PDCL2: variants seen among roughly 807,000 people sequenced by gnomAD.
PDCL2 encodes phosducin like 2.
PDCL2 carries 23 observed loss-of-function variants against 30.3 expected under a neutral mutation model. The observed-to-expected ratio is 0.76, with a 90% confidence interval of 0.55 to 1.08. The LOEUF is 1.08. Ranked by LOEUF, PDCL2 falls within the 50% of genes least tolerant of loss-of-function variation. The pLI, the probability that PDCL2 is intolerant of heterozygous loss-of-function variation, is 0.00. For missense variants in PDCL2, 243 were observed against 282.3 expected (o/e 0.86, Z 1.00); for synonymous variants, 68 against 86.2 (o/e 0.79, Z 1.17).
rs528304052 is a variant in PDCL2, at chr4:55,573,419, C to T, written c.219-3558G>A. ...ATCTTTTTTTAAAAGAAATCTTGTCCGAAGGTACTGGCTAGGACCTATTGT... is the reference window on the plus strand; with the variant it reads ...ATCTTTTTTTAAAAGAAATCTTGTCTGAAGGTACTGGCTAGGACCTATTGT... On this transcript the variant is annotated intron_variant, in intron 3 of 5. Transcript: ENST00000295645. 2.6e-5 allele frequency among the ~76,000 whole-genome samples: 4 copies of T among 152,026 alleles called. No homozygotes were observed. The South Asian group carries it at 6.3e-4, about 24-fold the overall frequency.
chr4:55,586,672 A>G (rs1328256207), intron 1 of PDCL2, among the ~76,000 whole-genome samples: 2 of 152,168 alleles, frequency 1.3e-5, no homozygotes. Flanking sequence ...CTTACTTTCA[A>G]TTCTTTTGGG....
chr4:55,556,714 G>A lies in PDCL2; in HGVS notation c.572-3C>T, dbSNP rs769897236. The stretch of plus-strand genomic sequence containing the variant: ...TTCTGCTAGCTTCCATTCAAGTTCT[G>A]TAATAAATAACCCATCATTCAGTTA... On this transcript the variant is annotated splice_polypyrimidine_tract_variant and splice_region_variant and intron_variant, in intron 5 of 5. Coordinates refer to ENST00000295645, the MANE Select transcript of PDCL2 (RefSeq NM_152401.3). 2 of 1,534,700 alleles carry A rather than the reference G, an allele frequency of 1.3e-6. No individual in the cohort carries two copies. Among genetic ancestry groups the A allele is most frequent in the Non-Finnish European group, 1.8e-6 (2 of 1,141,062 alleles).
chr4:55,569,312 T>C (rs1278581429), intron 4 of PDCL2, among the ~76,000 whole-genome samples: 1 of 152,184 alleles, frequency 6.6e-6, no homozygotes, highest in African/African-American at 2.4e-5. Flanking sequence ...TTCAGTTCAC[T>C]TTCTACAAAT....
At chr4:55,577,346 C>T (rs1012411625) in intron 3 of PDCL2, among the ~76,000 whole-genome samples, 3 of 152,204 alleles carry the variant, frequency 2.0e-5, no homozygotes, top group African/African-American at 7.2e-5. Context: ...CACAAACATT[C>T]AGACCACAGC....
Position 55,573,882 on chromosome 4 carries a change from TTTTGTTTGTTTTTTG to T in PDCL2, c.219-4036_219-4022del, listed in dbSNP as rs927117879. On this transcript the variant is annotated intron_variant, in intron 3 of 5. Transcript: ENST00000295645. ...TCCATTACTTTAGCTTATCACTAGTTTTTGTTTGTTTTTTGTTTGTTTTTTTTTTTGAGACAGAGT... is the reference window on the plus strand; with the variant it reads ...TCCATTACTTTAGCTTATCACTAGTTTTTGTTTTTTTTTTTGAGACAGAGT... Among the ~76,000 whole-genome samples, 8 of 10,970 alleles carry T rather than the reference TTTTGTTTGTTTTTTG, an allele frequency of 7.3e-4. No homozygotes were observed. The South Asian group carries it at 9.0e-3, about 12-fold the overall frequency. The allele number at this position is 10,970 out of a possible 152,430, so 7.2% of individuals were successfully genotyped here. A position where few individuals can be genotyped will look rare whatever the true frequency, so the allele number is the denominator to read the frequency against.
intron 5 of PDCL2, among the ~76,000 whole-genome samples, chr4:55,558,359 G>C (rs905152766): frequency 6.6e-6 from 1 of 152,088 alleles, no homozygotes; most frequent in African/African-American, 2.4e-5. Context: ...GTTCTCATAA[G>C]ATCTGATGGT....
At chr4:55,577,382 G>C (rs984656294) in intron 3 of PDCL2, among the ~76,000 whole-genome samples, 2 of 152,152 alleles carry the variant, frequency 1.3e-5, no homozygotes, top group African/African-American at 4.8e-5. Context: ...TTTTTATGGA[G>C]GTTTCATTAG....
At position 55,589,140 on chromosome 4, in the gene PDCL2, T is replaced by C. The variant is rs559633600; in HGVS notation, c.6+2964A>G. Among the ~76,000 whole-genome samples, 7 of 152,326 alleles carry C rather than the reference T, an allele frequency of 4.6e-5. No homozygotes were observed. The East Asian group carries it at 1.3e-3, about 29-fold the overall frequency. ...TCCCAAAGTGCTGGTATTACAGGCA[T>C]GAGCCACCGCGCCCAGCCAGTACGG... On this transcript the variant is annotated intron_variant, in intron 1 of 5. Coordinates refer to ENST00000295645, the MANE Select transcript of PDCL2 (RefSeq NM_152401.3).
intron 1 of PDCL2, among the ~76,000 whole-genome samples, chr4:55,583,788 C>A (rs985519562): frequency 2.0e-5 from 3 of 152,150 alleles, no homozygotes; most frequent in African/African-American, 4.8e-5. Flanking sequence ...GCCAGTACCA[C>A]GCTGTTTGGA....
intron 1 of PDCL2, among the ~76,000 whole-genome samples, chr4:55,588,790 A>G (rs1186026983): frequency 6.6e-6 from 1 of 151,928 alleles, no homozygotes; most frequent in African/African-American, 2.4e-5. Flanking sequence ...TTTTTTGAAA[A>G]TATGTGTGGG....
intron 4 of PDCL2, among the ~76,000 whole-genome samples, chr4:55,566,889 T>C (rs999351441): frequency 6.6e-6 from 1 of 152,196 alleles, no homozygotes; most frequent in Admixed American, 6.5e-5. Flanking sequence ...CTAAATCACA[T>C]TCAACCTCTT....
At chr4:55,556,754 A>C in intron 5 of PDCL2, 43 bp from the exon 6 acceptor site, 1 of 1,422,824 alleles carries the variant, frequency 7.0e-7, no homozygotes, top group Non-Finnish European at 9.3e-7. Context: ...TCTTGAAAAA[A>C]TGAATAATTT....
At chr4:55,570,669 G>C (rs925511300) in intron 3 of PDCL2, among the ~76,000 whole-genome samples, 15 of 152,154 alleles carry the variant, frequency 9.9e-5, no homozygotes, top group African/African-American at 3.6e-4. Flanking sequence ...AATAAATGTT[G>C]CTACCTATTT....
intron 1 of PDCL2, among the ~76,000 whole-genome samples, chr4:55,583,545 T>A (rs1732783398): frequency 6.6e-6 from 1 of 152,212 alleles, no homozygotes. Context: ...ATTTTCACAA[T>A]TTCAGGTCTT....
chr4:55,570,417 GGTA>G (rs1212877836), intron 3 of PDCL2, among the ~76,000 whole-genome samples: 1 of 152,166 alleles, frequency 6.6e-6, no homozygotes, highest in African/African-American at 2.4e-5. Context: ...TAGACAGAGA[GGTA>G]GTAGAGGAGA....
chr4:55,578,218 A>G (rs138220102), intron 3 of PDCL2, among the ~76,000 whole-genome samples: 12 of 152,342 alleles, frequency 7.9e-5, no homozygotes, highest in Non-Finnish European at 1.3e-4. Flanking sequence ...AATGGCAGTG[A>G]GCCTCTGTCC....
intron 1 of PDCL2, among the ~76,000 whole-genome samples, chr4:55,582,874 G>A (rs1313164965): frequency 6.6e-6 from 1 of 151,530 alleles, no homozygotes; most frequent in African/African-American, 2.4e-5. Context: ...TTTTGTCCCT[G>A]TGACAGTTTG....
At chr4:55,564,241 A>G (rs2171618) in intron 4 of PDCL2, among the ~76,000 whole-genome samples, 46,103 of 152,164 alleles carry the variant, frequency 0.3, 7,605 homozygotes, top group East Asian at 0.58. Context: ...GGGGTGGGTC[A>G]GTAGTGTGAA....
At chr4:55,556,807 A>C in intron 5 of PDCL2, 96 bp from the exon 6 acceptor site, 1 of 950,648 alleles carries the variant, frequency 1.1e-6, no homozygotes, top group Non-Finnish European at 1.5e-6. Context: ...TAATATTACC[A>C]TGGAAATGAT....
Sources: allele counts gnomAD v4.1 joint callset (sites outside exome capture counted in the v4.1 genomes callset), GRCh38; gene constraint gnomAD v4.1.1; transcripts MANE v1.5; gene names NCBI Gene and HGNC (gene_info 2026-07-23, HGNC 2026-07-21).